Variants in AFAP1 observed in about 807,000 individuals in gnomAD.
The protein encoded by AFAP1 is actin filament-associated protein 1.
In AFAP1, 75 loss-of-function variants were observed where a neutral mutation model predicts 93.9. That is an observed-to-expected ratio of 0.80 (90% CI 0.66 to 0.97). The LOEUF (loss-of-function observed/expected upper bound fraction) is 0.97, where lower values mean the gene tolerates loss of function less well. AFAP1 is among the 50% of genes least tolerant of loss of function. AFAP1 has a pLI of 0.00. For synonymous variants in AFAP1, 517 were observed against 430.7 expected, an observed-to-expected ratio of 1.20 and a Z score of -2.48; for missense variants, 1,201 against 1,050.8, an observed-to-expected ratio of 1.14 and a Z score of -1.98.
chr4:7,806,445 C>T lies in AFAP1; in HGVS notation c.1054+3169G>A, dbSNP rs1719522898. On this transcript the variant is annotated intron_variant, in intron 9 of 17. Coordinates refer to ENST00000420658, the MANE Select transcript of AFAP1 (RefSeq NM_001134647.2). ...CAGCTGCACTGTGTGGAAGGGCTGG[C>T]ATTTGAACTCCGCTTTCAGTGGCTC... Among the ~76,000 whole-genome samples, 3 of 152,110 alleles carry T rather than the reference C, an allele frequency of 2.0e-5. No individual in the cohort carries two copies. In the South Asian group the frequency reaches 6.2e-4, roughly 32 times the overall value.
At chr4:7,775,174 G>A (rs965801050) in intron 14 of AFAP1, 5 of 354,518 alleles carry the variant, frequency 1.4e-5, no homozygotes, top group African/African-American at 4.2e-5. Flanking sequence ...AGATAATGGG[G>A]TAACTCAAAA....
At chr4:7,859,887 C>T (rs950207801) in intron 3 of AFAP1, among the ~76,000 whole-genome samples, 2 of 152,032 alleles carry the variant, frequency 1.3e-5, no homozygotes, top group African/African-American at 4.8e-5. Flanking sequence ...AATTCTCTTT[C>T]CAATAATAAT....
intron 1 of AFAP1, among the ~76,000 whole-genome samples, chr4:7,917,797 G>A (rs1007674156): frequency 2.0e-5 from 3 of 152,124 alleles, no homozygotes; most frequent in African/African-American, 4.8e-5. Flanking sequence ...GTACCTGCCC[G>A]GGGCTATTAG....
chr4:7,868,473 C>T, intron 3 of AFAP1, 149 bp downstream of exon 3: 2 of 625,844 alleles, frequency 3.2e-6, no homozygotes, highest in East Asian at 3.1e-5. Context: ...CTCACAGCTT[C>T]TCAGCCCTAG....
chr4:7,794,117 G>A (rs1183817873), intron 10 of AFAP1, among the ~76,000 whole-genome samples: 1 of 152,160 alleles, frequency 6.6e-6, no homozygotes, highest in Non-Finnish European at 1.5e-5. Flanking sequence ...AAAATTAACA[G>A]GATTAATTGC....
intron 1 of AFAP1, among the ~76,000 whole-genome samples, chr4:7,890,004 T>TAAAAA (rs543991662): frequency 4.4e-4 from 44 of 100,214 alleles, no homozygotes; most frequent in African/African-American, 9.1e-4. Flanking sequence ...CAATTTTTGT[T>TAAAAA]AAAAAAAAAA....
chr4:7,907,107 A>C (rs1344127683), intron 1 of AFAP1, among the ~76,000 whole-genome samples: 1 of 152,250 alleles, frequency 6.6e-6, no homozygotes, highest in Non-Finnish European at 1.5e-5. Context: ...AAACATATTC[A>C]TAAAAAGCAT....
At chr4:7,825,519 G>C (rs1214453189) in intron 6 of AFAP1, among the ~76,000 whole-genome samples, 1 of 152,162 alleles carries the variant, frequency 6.6e-6, no homozygotes, top group Non-Finnish European at 1.5e-5. Flanking sequence ...AATCAAGACA[G>C]AAATTAGAAA....
At chr4:7,779,583 C>T (rs151256597) in intron 13 of AFAP1, among the ~76,000 whole-genome samples, 9 of 152,342 alleles carry the variant, frequency 5.9e-5, no homozygotes, top group South Asian at 2.1e-4. Flanking sequence ...CCAGCATCCA[C>T]GCCCACGCTT....
In AFAP1 at chr4:7,868,740, C is replaced by T. The variant is rs1399346347; in HGVS notation, c.128-21G>A. ...AAAACCTGTAAGAATTAACCAGAACCACAGAACTGGATGAGGATGGGGATG... is the reference window on the plus strand; with the variant it reads ...AAAACCTGTAAGAATTAACCAGAACTACAGAACTGGATGAGGATGGGGATG... On this transcript the variant is annotated intron_variant, in intron 2 of 17. Coordinates refer to ENST00000420658, the MANE Select transcript of AFAP1 (RefSeq NM_001134647.2). 2.5e-6 allele frequency: 4 copies of T among 1,607,872 alleles called. No homozygotes were observed. In the African/African-American group the frequency reaches 5.4e-5, roughly 22 times the overall value.
At chr4:7,765,188 G>A (rs1269160825) in intron 17 of AFAP1, among the ~76,000 whole-genome samples, 3 of 152,098 alleles carry the variant, frequency 2.0e-5, no homozygotes, top group African/African-American at 4.8e-5. Flanking sequence ...CAAAACCACT[G>A]GGTCCACAGC....
rs371010102 is a variant in AFAP1, at chr4:7,772,841, C to G, written c.2232G>C (p.Lys744Asn). Residue 744 changes from lysine to asparagine, a missense_variant, in exon 16 of 18, where the codon AAG becomes AAC. By Grantham distance (94) the Lys-to-Asn change is moderately conservative. Transcript: ENST00000420658. ...ACACCTGTGGACTCGATGTCCCTGA[C>G]TTGGGCTCGATGGCCAGCCCCAGGG... ...GVTLGLAIEP[K>N]SGTSSPQSPV... The G allele has an allele frequency of 1.9e-4, 306 of 1,613,928 alleles. No individual in the cohort carries two copies. Among genetic ancestry groups the G allele is most frequent in the South Asian group, 2.3e-4 (21 of 91,074 alleles).
At chr4:7,817,361 G>A (rs1052351159) in intron 7 of AFAP1, among the ~76,000 whole-genome samples, 6 of 152,182 alleles carry the variant, frequency 3.9e-5, no homozygotes, top group African/African-American at 1.2e-4. Flanking sequence ...CCAGCACTTT[G>A]GGAGGCCAAG....
chr4:7,796,804 A>C (rs1718470709), intron 10 of AFAP1, among the ~76,000 whole-genome samples: 1 of 150,808 alleles, frequency 6.6e-6, no homozygotes, highest in Non-Finnish European at 1.5e-5. Context: ...TCATGCCTGT[A>C]ATCTCAGCAC....
intron 4 of AFAP1, chr4:7,843,621 C>T (rs901613043): frequency 3.3e-5 from 12 of 361,936 alleles, no homozygotes; most frequent in Middle Eastern, 8.4e-4. Context: ...CGGGACCCCA[C>T]GCTGACCCGA....
Position 7,763,362 on chromosome 4 carries a change from G to C in AFAP1, c.*403C>G. On this transcript the variant is annotated 3_prime_UTR_variant, in exon 18 of 18. Transcript: ENST00000420658. The stretch of plus-strand genomic sequence containing the variant: ...CCACACTCATGCCCGGGGCAGCCGG[G>C]GATCCAAGCTCTTCCCTGTCGAATC... 4.9e-6 allele frequency: 1 copy of C among 202,806 alleles called. No individual in the cohort carries two copies. Among genetic ancestry groups the C allele is most frequent in the South Asian group, 1.0e-4 (1 of 9,978 alleles). The allele number at this position is 202,806 out of a possible 1,614,324, so 12.6% of individuals were successfully genotyped here. A position where few individuals can be genotyped will look rare whatever the true frequency, so the allele number is the denominator to read the frequency against.
At chr4:7,906,527 G>A (rs544039878) in intron 1 of AFAP1, among the ~76,000 whole-genome samples, 1 of 152,142 alleles carries the variant, frequency 6.6e-6, no homozygotes, top group Admixed American at 6.6e-5. Context: ...TCTAGGCTTC[G>A]AGAGCCTCAG....
rs1256927600 is a variant in AFAP1, at chr4:7,868,611, C to T, written c.225+11G>A. The stretch of plus-strand genomic sequence containing the variant: ...AGCGATGACCACTGAGATGGTGGGA[C>T]CTTGACTCACCAGCCAGGGCTGAGG... On this transcript the variant is annotated intron_variant, in intron 3 of 17. Coordinates refer to ENST00000420658, the MANE Select transcript of AFAP1 (RefSeq NM_001134647.2). 3 of 1,609,392 alleles carry T rather than the reference C, an allele frequency of 1.9e-6. No homozygotes were observed. The highest frequency in any genetic ancestry group is 4.5e-5 in the East Asian group (2 of 44,780).
chr4:7,873,627 C>A (rs947091293), intron 1 of AFAP1, among the ~76,000 whole-genome samples: 1 of 152,000 alleles, frequency 6.6e-6, no homozygotes, highest in East Asian at 1.9e-4. Context: ...GGATTACAGA[C>A]GTGAGCCACC....
Sources: gnomAD v4.1 joint callset for allele counts (sites outside exome capture counted in the v4.1 genomes callset) on GRCh38, gnomAD v4.1.1 for gene constraint, MANE v1.5 for transcripts, NCBI Gene and HGNC (gene_info 2026-07-23, HGNC 2026-07-21) for gene names.